Variants in DTNB observed in about 807,000 individuals in gnomAD.
DTNB encodes the protein DTN-B.
DTNB carries 63 observed loss-of-function variants against 90.7 expected under a neutral mutation model. The observed-to-expected ratio is 0.69, with a 90% CI of 0.57 to 0.86. The LOEUF is 0.86. DTNB is among the 40% of genes least tolerant of loss of function. DTNB has a pLI of 0.00. For missense variants in DTNB, 744 were observed against 807.1 expected, an observed-to-expected ratio of 0.92 and a Z score of 0.95; for synonymous variants, 277 against 286.7, an observed-to-expected ratio of 0.97 and a Z score of 0.34.
At chr2:25,561,942 T>C (rs746955736) in intron 8 of DTNB, among the ~76,000 whole-genome samples, 14 of 152,206 alleles carry the variant, frequency 9.2e-5, no homozygotes, top group Non-Finnish European at 1.9e-4. Flanking sequence ...ATTCACCCAC[T>C]GTAAAATTCA....
At chr2:25,557,594 A>T (rs1037056054) in intron 8 of DTNB, among the ~76,000 whole-genome samples, 5 of 152,246 alleles carry the variant, frequency 3.3e-5, no homozygotes, top group African/African-American at 1.2e-4. Context: ...TGTTTAAAAA[A>T]TAAAACAAAG....
chr2:25,432,903 T>G lies in DTNB; in HGVS notation c.1440A>C (p.Ala480=), dbSNP rs7583475. 6.2e-7 allele frequency: 1 copy of G among 1,605,396 alleles called. No homozygotes were observed. The highest frequency in any genetic ancestry group is 8.5e-7 in the Non-Finnish European group (1 of 1,176,590). The change falls in exon 14 of 21, where the codon GCA becomes GCC. Residue 480 remains alanine, a synonymous_variant. Transcript: ENST00000406818. The part of the protein sequence containing the change: ...EKAQQNPTLL[A]ELRLLRQRKD... ...CTACTCACCTCAGCAGCCGCAGCTC[T>G]GCCAGCAGCGTGGGGTTCTGCTGTG...
intron 10 of DTNB, among the ~76,000 whole-genome samples, chr2:25,457,894 C>T (rs1322254193): frequency 2.6e-5 from 4 of 152,122 alleles, no homozygotes; most frequent in Admixed American, 1.3e-4. Flanking sequence ...AGTGCAGTGG[C>T]GTGATCTCAG....
chr2:25,419,033 C>T (rs370031440), intron 16 of DTNB: 11 of 158,852 alleles, frequency 6.9e-5, no homozygotes, highest in African/African-American at 1.9e-4. Context: ...TCTCAGTCGT[C>T]GTCAGTAATT....
intron 4 of DTNB, among the ~76,000 whole-genome samples, chr2:25,627,381 T>G (rs914754082): frequency 6.6e-6 from 1 of 151,370 alleles, no homozygotes; most frequent in African/African-American, 2.4e-5. Context: ...ACCATTGCAC[T>G]CCAGCCTGGG....
chr2:25,594,714 T>C (rs1186713579), intron 6 of DTNB, among the ~76,000 whole-genome samples: 1 of 152,216 alleles, frequency 6.6e-6, no homozygotes, highest in Non-Finnish European at 1.5e-5. Context: ...GGTTCTAAGA[T>C]TACCAAAAAA....
At chr2:25,559,748 C>T (rs2057965943) in intron 8 of DTNB, among the ~76,000 whole-genome samples, 1 of 152,154 alleles carries the variant, frequency 6.6e-6, no homozygotes. Context: ...GGAGAGGAAG[C>T]ATTTACCCTG....
chr2:25,524,954 A>T (rs2076814351), intron 9 of DTNB, among the ~76,000 whole-genome samples: 2 of 152,176 alleles, frequency 1.3e-5, no homozygotes. Flanking sequence ...TTAGCCTCCT[A>T]CCTTACAGGA....
intron 5 of DTNB, among the ~76,000 whole-genome samples, chr2:25,598,627 C>T (rs1379372304): frequency 2.6e-5 from 4 of 152,066 alleles, no homozygotes; most frequent in African/African-American, 9.7e-5. Flanking sequence ...AGAATAGATA[C>T]AAAAACACAT....
chr2:25,443,408 G>C (rs1200501538), intron 12 of DTNB, among the ~76,000 whole-genome samples: 1 of 152,152 alleles, frequency 6.6e-6, no homozygotes, highest in African/African-American at 2.4e-5. Flanking sequence ...TAATAAATAA[G>C]ACCCCTTTGA....
chr2:25,509,162 G>A (rs1003199631), intron 9 of DTNB, among the ~76,000 whole-genome samples: 3 of 151,946 alleles, frequency 2.0e-5, no homozygotes, highest in East Asian at 1.9e-4. Flanking sequence ...TCTTTTTCTC[G>A]TATTACTGCA....
chr2:25,526,362 A>AATATATATATATATATATATAAAT (rs2077082725), intron 9 of DTNB, among the ~76,000 whole-genome samples: 2 of 99,814 alleles, frequency 2.0e-5, no homozygotes, highest in Non-Finnish European at 1.8e-5. Flanking sequence ...AATATATATA[A>AATATATATATATATATATATAAAT]ATATATATAT....
At chr2:25,418,173 C>T (rs968804723) in intron 16 of DTNB, among the ~76,000 whole-genome samples, 3 of 152,170 alleles carry the variant, frequency 2.0e-5, no homozygotes, top group Non-Finnish European at 1.5e-5. Flanking sequence ...TTTGGTTCCA[C>T]GAAAGCCATC....
chr2:25,521,075 AT>A (rs2076049402), intron 9 of DTNB, among the ~76,000 whole-genome samples: 1 of 152,156 alleles, frequency 6.6e-6, no homozygotes, highest in South Asian at 2.1e-4. Flanking sequence ...TAGGTAACAA[AT>A]TTTATCTGAG....
intron 15 of DTNB, among the ~76,000 whole-genome samples, chr2:25,420,959 G>A (rs1022988286): frequency 6.6e-6 from 1 of 152,106 alleles, no homozygotes; most frequent in African/African-American, 2.4e-5. Flanking sequence ...CTTTTAATGG[G>A]CCTCTTCCAC....
At chr2:25,617,518 T>C (rs899148122) in intron 4 of DTNB, among the ~76,000 whole-genome samples, 1 of 152,222 alleles carries the variant, frequency 6.6e-6, no homozygotes, top group African/African-American at 2.4e-5. Context: ...AAAAGGTTTA[T>C]ACACTCTTCA....
In DTNB at chr2:25,646,941, A is replaced by C. The variant is rs538154183; in HGVS notation, c.67+5653T>G. Among the ~76,000 whole-genome samples the C allele has an allele frequency of 2.7e-4, 41 of 152,360 alleles. 1 individual carries two copies. The South Asian group carries it at 7.0e-3, about 26-fold the overall frequency. Reference sequence around the variant, plus strand: ...GAAAATATGAAATATATGTGTATTCATTAAAAAGGCTAGACAAAATAAACT... The same window carrying C: ...GAAAATATGAAATATATGTGTATTCCTTAAAAAGGCTAGACAAAATAAACT... On this transcript the variant is annotated intron_variant, in intron 2 of 20. Transcript: ENST00000406818.
At chr2:25,423,456 T>C (rs1466026573) in intron 15 of DTNB, among the ~76,000 whole-genome samples, 1 of 152,228 alleles carries the variant, frequency 6.6e-6, no homozygotes, top group African/African-American at 2.4e-5. Flanking sequence ...GAAGATAAAG[T>C]ACATAATAGT....
At chr2:25,454,752 C>A (rs1280952017) in intron 11 of DTNB, among the ~76,000 whole-genome samples, 1 of 152,200 alleles carries the variant, frequency 6.6e-6, no homozygotes. Context: ...GACACATTCT[C>A]TTATTAACAG....
Sources: gnomAD v4.1 joint callset for allele counts (sites outside exome capture counted in the v4.1 genomes callset) on GRCh38, gnomAD v4.1.1 for gene constraint, MANE v1.5 for transcripts, NCBI Gene and HGNC (gene_info 2026-07-23, HGNC 2026-07-21) for gene names.